Variants in RAPH1 observed in about 807,000 individuals in gnomAD.
RAPH1 encodes the protein ras-associated and pleckstrin homology domains-containing protein 1.
A neutral mutation model predicts 88.1 loss-of-function variants in RAPH1; 18 were observed. The ratio of observed to expected loss-of-function variants is 0.20; its 90% CI spans 0.14 to 0.30. The LOEUF (loss-of-function observed/expected upper bound fraction) is 0.30. RAPH1 is among the 10% of genes least tolerant of loss of function. The pLI is 1.00. For missense variants in RAPH1, 1,448 were observed against 1,543.2 expected (o/e 0.94, Z 1.03); for synonymous variants, 587 against 559.0 (o/e 1.05, Z -0.71).
chr2:203,441,693 A>C (rs1400628677), intron 13 of RAPH1: 2 of 1,308,958 alleles, frequency 1.5e-6, no homozygotes, highest in African/African-American at 3.1e-5. Flanking sequence ...AAGCTGTTTG[A>C]ATGGTGACAG....
Position 203,444,887 on chromosome 2 carries a change from T to C in RAPH1, c.1757A>G (p.Gln586Arg). 3 of 1,614,148 alleles carry C rather than the reference T, an allele frequency of 1.9e-6. No individual in the cohort carries two copies. The highest frequency in any genetic ancestry group is 2.5e-6 in the Non-Finnish European group (3 of 1,180,002). Residue 586 changes from glutamine (Q) to arginine (R), a missense_variant, in exon 13 of 14, where the codon CAG becomes CGG. Transcript: ENST00000319170. ...VFSEAWKRGTQLEESSKARME... is the reference protein window; with the variant it reads ...VFSEAWKRGTRLEESSKARME... ...TGTTACCTTGCTGGACTCTTCCAAC[T>C]GAGTGCCTCGTTTCCAGGCTTCAGA... is the stretch of plus-strand genomic sequence containing the variant.
chr2:203,490,532 C>T (rs1191328917), intron 3 of RAPH1, among the ~76,000 whole-genome samples: 1 of 152,190 alleles, frequency 6.6e-6, no homozygotes, highest in East Asian at 1.9e-4. Flanking sequence ...TGGAATACAA[C>T]AGATAAAGGC....
intron 1 of RAPH1, among the ~76,000 whole-genome samples, chr2:203,521,860 T>A (rs1006379156): frequency 1.2e-4 from 18 of 152,208 alleles, no homozygotes; most frequent in African/African-American, 4.1e-4. Flanking sequence ...ATACCAAAAA[T>A]TTTAACTGTA....
chr2:203,439,260 TAC>T lies in RAPH1; in HGVS notation c.*175_*176del, dbSNP rs199698487. ...ACACATACATATATGTATACATATA[TAC>T]ACACACTGTACAGCTGTGTGTACAT... is the stretch of plus-strand genomic sequence containing the variant. On this transcript the variant is annotated 3_prime_UTR_variant, in exon 14 of 14. Coordinates refer to ENST00000319170, the MANE Select transcript of RAPH1 (RefSeq NM_213589.3). 1.4e-4 allele frequency: 82 copies of T among 600,870 alleles called. No individual in the cohort carries two copies. Among genetic ancestry groups the T allele is most frequent in the African/African-American group, 6.3e-4 (34 of 54,030 alleles). The allele number at this position is 600,870 out of a possible 1,614,324, so 37.2% of individuals were successfully genotyped here. A position where few individuals can be genotyped will look rare whatever the true frequency, so the allele number is the denominator to read the frequency against.
intron 13 of RAPH1, 51 bp downstream of exon 13, chr2:203,444,817 C>A: frequency 6.4e-7 from 1 of 1,571,420 alleles, no homozygotes; most frequent in East Asian, 2.2e-5. Flanking sequence ...ACAATTTAAA[C>A]CCAAAAGAAT....
chr2:203,441,664 G>GA, intron 13 of RAPH1: 1 of 1,313,086 alleles, frequency 7.6e-7, no homozygotes, highest in Non-Finnish European at 9.6e-7. Flanking sequence ...AACAATCTAG[G>GA]AAAAATGTCC....
chr2:203,461,529 A>T, intron 5 of RAPH1, 121 bp from the exon 6 acceptor site: 1 of 715,580 alleles, frequency 1.4e-6, no homozygotes, highest in Non-Finnish European at 2.1e-6. Context: ...AACACAAATA[A>T]TGACTTCATT....
At chr2:203,487,090 T>G (rs1304751661) in intron 4 of RAPH1, among the ~76,000 whole-genome samples, 1 of 152,208 alleles carries the variant, frequency 6.6e-6, no homozygotes, top group African/African-American at 2.4e-5. Flanking sequence ...CTATACTGTA[T>G]GAACTTTTAT....
Position 203,487,895 on chromosome 2 carries a change from A to T in RAPH1, c.732+1689T>A, listed in dbSNP as rs1049219691. 2.0e-5 allele frequency among the ~76,000 whole-genome samples: 3 copies of T among 152,338 alleles called. No individual in the cohort carries two copies. The East Asian group carries it at 5.8e-4, about 29-fold the overall frequency. On this transcript the variant is annotated intron_variant, in intron 4 of 13. Transcript: ENST00000319170. ...CATGGGTGGGTACCAAGAGTTACCT[A>T]CTGATGGAAATTAATCCAAAGAATT...
At chr2:203,491,548 T>G (rs951395151) in intron 2 of RAPH1, among the ~76,000 whole-genome samples, 1 of 152,144 alleles carries the variant, frequency 6.6e-6, no homozygotes, top group Non-Finnish European at 1.5e-5. Flanking sequence ...GGAGATGAAG[T>G]CTCGTCCTGT....
chr2:203,529,311 T>C (rs1038544709), intron 1 of RAPH1, among the ~76,000 whole-genome samples: 1 of 151,896 alleles, frequency 6.6e-6, no homozygotes. Flanking sequence ...TCTTCACTTA[T>C]CAAACTCAGT....
At chr2:203,454,252 G>A (rs1252810528) in intron 10 of RAPH1, among the ~76,000 whole-genome samples, 178 bp downstream of exon 10, 4 of 151,978 alleles carry the variant, frequency 2.6e-5, no homozygotes, top group African/African-American at 9.7e-5. Context: ...ATTGGCCCAG[G>A]GTCTGCTATG....
At chr2:203,506,878 A>ATCTATCTATATC (rs1357021596) in intron 1 of RAPH1, among the ~76,000 whole-genome samples, 1 of 68,300 alleles carries the variant, frequency 1.5e-5, no homozygotes, top group East Asian at 2.9e-4. Context: ...ATATATATAT[A>ATCTATCTATATC]TAGATATATA....
chr2:203,504,408 C>G (rs1688884633), intron 1 of RAPH1, among the ~76,000 whole-genome samples: 1 of 152,234 alleles, frequency 6.6e-6, no homozygotes, highest in South Asian at 2.1e-4. Context: ...AAGCCACAGC[C>G]TGAGCTCTAT....
At chr2:203,481,596 C>A (rs1424377285) in intron 4 of RAPH1, among the ~76,000 whole-genome samples, 1 of 118,926 alleles carries the variant, frequency 8.4e-6, no homozygotes, top group East Asian at 2.7e-4. Flanking sequence ...TATATATATA[C>A]ACATTTTTTT....
chr2:203,441,239 TGGGGA>T lies in RAPH1; in HGVS notation c.1946_1950del (p.Leu649GlnfsTer35). The T allele has an allele frequency of 1.2e-6, 1 of 804,448 alleles. No homozygotes were observed. The highest frequency in any genetic ancestry group is 1.5e-6 in the Non-Finnish European group (1 of 645,664). 49.8% of individuals were successfully genotyped at this position (804,448 alleles called of 1,614,324 possible). On this transcript the variant is annotated frameshift_variant, in exon 14 of 14. Transcript: ENST00000319170. LOFTEE classifies it low-confidence loss of function (END_TRUNC). ...GAGCCTGCAGAAGGTGCAGACTGGCTGGGGAGTGGGGGAGGAGGGGGTGGTGGAGG... is the reference window on the plus strand; with the variant it reads ...GAGCCTGCAGAAGGTGCAGACTGGCTGTGGGGGAGGAGGGGGTGGTGGAGG...
intron 1 of RAPH1, among the ~76,000 whole-genome samples, chr2:203,510,785 ACT>A (rs1689303188): frequency 6.6e-6 from 1 of 152,114 alleles, no homozygotes; most frequent in African/African-American, 2.4e-5. Context: ...AATAAAACTC[ACT>A]GAGTGTACAC....
At chr2:203,495,133 T>C in intron 2 of RAPH1, 101 bp downstream of exon 2, 2 of 1,293,888 alleles carry the variant, frequency 1.5e-6, no homozygotes, top group Non-Finnish European at 2.2e-6. Context: ...TTTCTGGCAA[T>C]ACTTTAAAAT....
chr2:203,524,767 A>G (rs1690039794), intron 1 of RAPH1, among the ~76,000 whole-genome samples: 1 of 152,202 alleles, frequency 6.6e-6, no homozygotes, highest in South Asian at 2.1e-4. Context: ...GAGATGATGG[A>G]AATGTTCAGT....
Sources: allele counts gnomAD v4.1 joint callset (sites outside exome capture counted in the v4.1 genomes callset), GRCh38; gene constraint gnomAD v4.1.1; transcripts MANE v1.5; gene names NCBI Gene and HGNC (gene_info 2026-07-23, HGNC 2026-07-21).